Variants in BCL6 observed in about 807,000 individuals in gnomAD.
The protein encoded by BCL6 is BCL6 transcription repressor, also known as B-cell lymphoma 6 protein.
In BCL6, 7 loss-of-function variants were observed where a neutral mutation model predicts 59.5. That is an observed-to-expected ratio of 0.12 (90% CI 0.07 to 0.22). The LOEUF (loss-of-function observed/expected upper bound fraction) is 0.22. Among genes scored for constraint, BCL6 ranks in the 10% least tolerant of loss-of-function variants. The probability of loss-of-function intolerance (pLI) is 1.00; values close to 1 mark genes in which losing one functional copy is unlikely to be tolerated. For missense variants in BCL6, 685 were observed against 939.4 expected (o/e 0.73, Z 3.54); for synonymous variants, 339 against 349.7 (o/e 0.97, Z 0.34).
chr3:187,745,428 T>C lies in BCL6; in HGVS notation c.-68A>G, dbSNP rs1711910081. The stretch of plus-strand genomic sequence containing the variant: ...TAATCACCTGGTGTCCGGCCTTTCC[T>C]AGAAACTTCTTGCATCACCACTTCT... On this transcript the variant is annotated 5_prime_UTR_variant, in exon 1 of 10. Transcript: ENST00000406870. 1.0e-5 allele frequency: 4 copies of C among 399,874 alleles called. No individual in the cohort carries two copies. Among genetic ancestry groups the C allele is most frequent in the South Asian group, 1.2e-4 (1 of 8,066 alleles). 24.8% of individuals were successfully genotyped at this position (399,874 alleles called of 1,614,324 possible). A position where few individuals can be genotyped will look rare whatever the true frequency, so the allele number is the denominator to read the frequency against.
chr3:187,738,549 G>A (rs1357825347), intron 1 of BCL6, among the ~76,000 whole-genome samples: 1 of 152,164 alleles, frequency 6.6e-6, no homozygotes, highest in African/African-American at 2.4e-5. Flanking sequence ...CCCTGCGCGC[G>A]CACTGGCACT....
At position 187,731,854 on chromosome 3, in the gene BCL6, G is replaced by A. The variant is rs763472780; in HGVS notation, c.238C>T (p.Pro80Ser). 1 of 1,613,984 alleles carries A rather than the reference G, an allele frequency of 6.2e-7. No homozygotes were observed. Among genetic ancestry groups the A allele is most frequent in the Non-Finnish European group, 8.5e-7 (1 of 1,180,034 alleles). The change falls in exon 4 of 10, where the codon CCT (proline) becomes TCT (serine). Residue 80 changes from proline to serine, a missense_variant. By Grantham distance (74) the Pro-to-Ser change is moderately conservative (BLOSUM62 -1). This residue lies in a region of BCL6 where 102 missense variants were observed against 176.6 expected (regional missense o/e 0.58). Coordinates refer to ENST00000406870, the MANE Select transcript of BCL6 (RefSeq NM_001706.5). ...TCCAGGAGGATGCAGAATCCCTCAG[G>A]GTTGATCTCAGGATCTAGATTGATC... ...SVINLDPEIN[P>S]EGFCILLDFM...
At chr3:187,744,568 T>G (rs560847297) in intron 1 of BCL6, among the ~76,000 whole-genome samples, 1 of 152,072 alleles carries the variant, frequency 6.6e-6, no homozygotes, top group South Asian at 2.1e-4. Context: ...TCATCTGGAT[T>G]TATGACCAAA....
At chr3:187,726,567 G>A (rs1371872568) in intron 7 of BCL6, among the ~76,000 whole-genome samples, 164 bp downstream of exon 7, 2 of 152,244 alleles carry the variant, frequency 1.3e-5, no homozygotes, top group Non-Finnish European at 2.9e-5. Flanking sequence ...GAGTCACTAA[G>A]CAAAGACAAG....
chr3:187,729,842 A>G lies in BCL6; in HGVS notation c.563T>C (p.Leu188Pro). 1 of 1,614,020 alleles carries G rather than the reference A, an allele frequency of 6.2e-7. No homozygotes were observed. The highest frequency in any genetic ancestry group is 1.1e-5 in the South Asian group (1 of 91,052). The change falls in exon 5 of 10, where the codon CTG (leucine) becomes CCG (proline). Residue 188 changes from leucine to proline, a missense_variant. By Grantham distance (98) the Leu-to-Pro change is moderately conservative (BLOSUM62 -3). This residue lies in a region of BCL6 where 268 missense variants were observed against 263.8 expected (regional missense o/e 1.02). Transcript: ENST00000406870. This position sits in a 1 kb window ranked among gnomAD's most constrained non-coding sequence, Gnocchi z 5.6. ...GGAATAAGAGGCTGGCGGTGTGGAC[A>G]GGCCACTGTACAGGCTGGGGGCAAA... ...RAFAPSLYSG[L>P]STPPASYSMY...
At chr3:187,731,182 G>A (rs1252053267) in intron 4 of BCL6, among the ~76,000 whole-genome samples, 1 of 152,204 alleles carries the variant, frequency 6.6e-6, no homozygotes, top group Non-Finnish European at 1.5e-5. Context: ...GTCCTGCCTA[G>A]TAGGAGCAGC....
intron 1 of BCL6, among the ~76,000 whole-genome samples, chr3:187,740,349 C>T (rs141187658): frequency 6.6e-6 from 1 of 151,926 alleles, no homozygotes; most frequent in South Asian, 2.1e-4. Context: ...CTTAACCCCC[C>T]TCTTAACACG....
At chr3:187,733,802 T>C in intron 2 of BCL6, 99 bp from the exon 3 acceptor site, 1 of 1,240,158 alleles carries the variant, frequency 8.1e-7, no homozygotes, top group East Asian at 2.5e-5. Context: ...AGGTACAGAA[T>C]GCAACTCAGG....
At position 187,729,503 on chromosome 3, in the gene BCL6, T is replaced by C; in HGVS notation, c.902A>G (p.Lys301Arg). The change falls in exon 5 of 10, where the codon AAA becomes AGA. Residue 301 changes from lysine (K) to arginine (R), a missense_variant. Transcript: ENST00000406870. This position sits in a 1 kb window ranked among gnomAD's most constrained non-coding sequence, Gnocchi z 5.6. ...APYFPCDKAS[K>R]EEERPSSEDE... is the part of the protein sequence containing the mutation. ...TTCCGAGGAGGGTCTCTCTTCTTCT[T>C]TGCTGGCCTTGTCACAAGGGAAGTA... 6.2e-7 allele frequency: 1 copy of C among 1,613,620 alleles called. No homozygotes were observed. Among genetic ancestry groups the C allele is most frequent in the South Asian group, 1.1e-5 (1 of 91,064 alleles).
At chr3:187,739,033 C>T (rs1417261046) in intron 1 of BCL6, among the ~76,000 whole-genome samples, 1 of 152,130 alleles carries the variant, frequency 6.6e-6, no homozygotes, top group Non-Finnish European at 1.5e-5. Flanking sequence ...AACCGTCAAC[C>T]CCTTTCTCGC....
chr3:187,743,836 C>A (rs753417657), intron 1 of BCL6, among the ~76,000 whole-genome samples: 20 of 151,494 alleles, frequency 1.3e-4, no homozygotes, highest in Non-Finnish European at 2.8e-4. Context: ...CATTCTTACT[C>A]CCTCGAGGAG....
chr3:187,732,039 T>A, intron 3 of BCL6, 109 bp from the exon 4 acceptor site: 1 of 859,586 alleles, frequency 1.2e-6, no homozygotes, highest in Non-Finnish European at 1.8e-6. Flanking sequence ...CCAGAACTTC[T>A]ACGGTAATTA....
intron 1 of BCL6, among the ~76,000 whole-genome samples, chr3:187,742,305 C>G (rs1711635767): frequency 6.6e-6 from 1 of 152,188 alleles, no homozygotes; most frequent in African/African-American, 2.4e-5. Flanking sequence ...GTTTTGACAT[C>G]TAGCCGTGGC....
At chr3:187,744,232 A>G (rs1711759053) in intron 1 of BCL6, among the ~76,000 whole-genome samples, 1 of 152,188 alleles carries the variant, frequency 6.6e-6, no homozygotes, top group Admixed American at 6.5e-5. Context: ...AAATCCCGCC[A>G]CCTTTCTCGT....
intron 4 of BCL6, 81 bp downstream of exon 4, chr3:187,731,628 C>A: frequency 7.3e-7 from 1 of 1,367,720 alleles, no homozygotes; most frequent in South Asian, 1.2e-5. Flanking sequence ...AGTATTTTTT[C>A]TGTATGCATG....
intron 1 of BCL6, among the ~76,000 whole-genome samples, chr3:187,744,789 A>C (rs1711821323): frequency 1.3e-5 from 2 of 149,820 alleles, no homozygotes; most frequent in South Asian, 4.4e-4. Flanking sequence ...GGAGGGAGGG[A>C]AGCGGAGGCC....
chr3:187,735,170 C>T (rs1170098162), intron 1 of BCL6, among the ~76,000 whole-genome samples: 3 of 152,196 alleles, frequency 2.0e-5, no homozygotes. Flanking sequence ...TACATACATA[C>T]ATACATATAT....
At chr3:187,744,141 A>C (rs1228397053) in intron 1 of BCL6, among the ~76,000 whole-genome samples, 1 of 152,228 alleles carries the variant, frequency 6.6e-6, no homozygotes, top group Admixed American at 6.5e-5. Flanking sequence ...ATAAAATAAA[A>C]TTTAGGAAAG....
At chr3:187,737,395 G>GAGAGAA (rs1254665083) in intron 1 of BCL6, 6 of 127,536 alleles carry the variant, frequency 4.7e-5, no homozygotes, top group Non-Finnish European at 7.1e-5. Flanking sequence ...GAGAGAGAGA[G>GAGAGAA]AAAATGAGAG....
Sources: allele counts gnomAD v4.1 joint callset (sites outside exome capture counted in the v4.1 genomes callset), GRCh38; gene constraint gnomAD v4.1.1; regional missense constraint gnomAD v4.1.1; non-coding constraint Gnocchi (gnomAD v3.1); transcripts MANE v1.5; gene names NCBI Gene and HGNC (gene_info 2026-07-23, HGNC 2026-07-21).